ANKRD18B: variants seen among roughly 807,000 people sequenced by gnomAD.
ANKRD18B encodes the protein ankyrin repeat domain 18B.
ANKRD18B carries 75 observed loss-of-function variants against 111.8 expected under a neutral mutation model. The ratio of observed to expected loss-of-function variants is 0.67; its 90% CI spans 0.56 to 0.81. The LOEUF is 0.81. ANKRD18B is among the 40% of genes least tolerant of loss of function. The pLI, the probability that ANKRD18B is intolerant of heterozygous loss-of-function variation, is 0.00. For missense variants in ANKRD18B, 1,038 were observed against 1,225.5 expected (o/e 0.85, Z 2.28); for synonymous variants, 356 against 417.3 (o/e 0.85, Z 1.79).
chr9:33,571,247 TG>T lies in ANKRD18B; in HGVS notation c.3181del (p.Glu1061SerfsTer8), dbSNP rs1828771697. The T allele has an allele frequency of 9.4e-7, 1 of 1,063,890 alleles. No homozygotes were observed. The highest frequency in any genetic ancestry group is 1.7e-5 in the African/African-American group (1 of 58,032). The allele number at this position is 1,063,890 out of a possible 1,614,324, so 65.9% of individuals were successfully genotyped here. ...SNNCKNSLTE[M>X]ELDCAEQIIT... is the part of the protein sequence containing the mutation. ...TATTTTTTTTTTTACTTATTTTAGA[TG>T]GAGCTGGACTGTGCAGAACAAATAA... On this transcript the variant is annotated frameshift_variant and splice_region_variant, in exon 18 of 19. Transcript: ENST00000684830. LOFTEE classifies it low-confidence loss of function (END_TRUNC).
rs1828723612 is a variant in ANKRD18B, at chr9:33,568,742, G to A, written c.3026G>A (p.Ser1009Asn). Reference sequence around the variant, plus strand: ...AAAGAGCGGATGGAATATTTTCTCAGCACTCTTCCTATGAGGCCAGACCCA... The same window carrying A: ...AAAGAGCGGATGGAATATTTTCTCAACACTCTTCCTATGAGGCCAGACCCA... Reference protein sequence around the residue: ...MEKERMEYFLSTLPMRPDPEL... With the variant: ...MEKERMEYFLNTLPMRPDPEL... Residue 1009 changes from serine to asparagine, a missense_variant, in exon 17 of 19, where the codon AGC becomes AAC. Around this residue, in one of 4 missense-constraint regions of ANKRD18B, gnomAD observed 524 missense variants for 677.9 expected, o/e 0.77. Transcript: ENST00000684830. The A allele has an allele frequency of 6.4e-7, 1 of 1,551,366 alleles. No individual in the cohort carries two copies. The highest frequency in any genetic ancestry group is 8.7e-7 in the Non-Finnish European group (1 of 1,146,738).
intron 3 of ANKRD18B, among the ~76,000 whole-genome samples, chr9:33,532,035 C>G (rs1828124475): frequency 6.6e-6 from 1 of 152,030 alleles, no homozygotes; most frequent in African/African-American, 2.4e-5. Context: ...GAGATGGAGA[C>G]CATCCTGGCT....
Position 33,548,674 on chromosome 9 carries a change from G to A in ANKRD18B, c.1886G>A (p.Arg629Gln), listed in dbSNP as rs1359425968. The A allele has an allele frequency of 5.8e-6, 9 of 1,551,164 alleles. No individual in the cohort carries two copies. Among genetic ancestry groups the A allele is most frequent in the South Asian group, 3.6e-5 (3 of 84,022 alleles). ...QRELENLLLE[R>Q]QLEDARKEGD... ...GAACTTGAAAATCTCTTGCTTGAACGACAACTAGAGGATGCTCGTAAGGAA... is the reference window on the plus strand; with the variant it reads ...GAACTTGAAAATCTCTTGCTTGAACAACAACTAGAGGATGCTCGTAAGGAA... Residue 629 changes from arginine (R) to glutamine (Q), a missense_variant, in exon 11 of 19, where the codon CGA becomes CAA. Physicochemically the swap from Arg to Gln is conservative, Grantham distance 43. Coordinates refer to ENST00000684830, the MANE Select transcript of ANKRD18B (RefSeq NM_001393611.1).
chr9:33,543,044 T>C, intron 9 of ANKRD18B, 141 bp from the exon 10 acceptor site: 1 of 856,160 alleles, frequency 1.2e-6, no homozygotes, highest in Non-Finnish European at 1.8e-6. Context: ...TTCTTAAAAA[T>C]GTAAATATTC....
chr9:33,562,550 A>G (rs1828622247), intron 14 of ANKRD18B, among the ~76,000 whole-genome samples: 1 of 152,010 alleles, frequency 6.6e-6, no homozygotes, highest in African/African-American at 2.4e-5. Flanking sequence ...TGCAGCACTT[A>G]AAAATCAGGT....
At chr9:33,563,992 G>A (rs1423976545) in intron 14 of ANKRD18B, among the ~76,000 whole-genome samples, 6 of 152,094 alleles carry the variant, frequency 3.9e-5, no homozygotes, top group Non-Finnish European at 8.8e-5. Flanking sequence ...TGGGCTCTGG[G>A]CAACTGTAGA....
intron 17 of ANKRD18B, among the ~76,000 whole-genome samples, chr9:33,569,916 C>T (rs1028247352): frequency 1.3e-5 from 2 of 152,074 alleles, no homozygotes; most frequent in Non-Finnish European, 2.9e-5. Flanking sequence ...CACCTGTAAT[C>T]CCACATGCAG....
Position 33,558,827 on chromosome 9 carries a change from GC to G in ANKRD18B, c.2460+643del, listed in dbSNP as rs369884114. On this transcript the variant is annotated intron_variant, in intron 14 of 18. Transcript: ENST00000684830. ...ATTCTGAGCCAGTATGGTGACTGTGGCCCTGGATTACCCAATCTCAAGAGCT... is the reference window on the plus strand; with the variant it reads ...ATTCTGAGCCAGTATGGTGACTGTGGCCTGGATTACCCAATCTCAAGAGCT... Among the ~76,000 whole-genome samples the G allele has an allele frequency of 2.6e-3, 399 of 152,172 alleles. 2 individuals carry two copies. The highest frequency in any genetic ancestry group is 9.1e-3 in the African/African-American group (376 of 41,518).
intron 6 of ANKRD18B, among the ~76,000 whole-genome samples, chr9:33,538,909 T>C (rs1237570917): frequency 6.6e-6 from 1 of 152,204 alleles, no homozygotes; most frequent in African/African-American, 2.4e-5. Flanking sequence ...GTTAATTTAG[T>C]ACATAATTAT....
chr9:33,557,992 G>A, intron 13 of ANKRD18B, 66 bp from the exon 14 acceptor site: 1 of 1,381,852 alleles, frequency 7.2e-7, no homozygotes, highest in Non-Finnish European at 9.8e-7. Context: ...CATAGTATCT[G>A]TTTAAACAAT....
intron 16 of ANKRD18B, 125 bp downstream of exon 16, chr9:33,567,439 T>C (rs771471668): frequency 2.5e-4 from 206 of 813,780 alleles, no homozygotes; most frequent in Non-Finnish European, 3.8e-4. Flanking sequence ...TAATGTAATT[T>C]TGGAAAATAA....
intron 3 of ANKRD18B, among the ~76,000 whole-genome samples, chr9:33,532,139 C>T (rs1828126743): frequency 6.6e-6 from 1 of 151,980 alleles, no homozygotes; most frequent in Non-Finnish European, 1.5e-5. Context: ...GAGGCTGAGG[C>T]AGGAGAATGG....
chr9:33,558,778 G>C (rs982035604), intron 14 of ANKRD18B, among the ~76,000 whole-genome samples: 1 of 152,110 alleles, frequency 6.6e-6, no homozygotes, highest in Non-Finnish European at 1.5e-5. Flanking sequence ...CCCAAATTCA[G>C]CCAAAATACA....
chr9:33,542,586 G>T (rs977678689), intron 9 of ANKRD18B, among the ~76,000 whole-genome samples: 1 of 151,920 alleles, frequency 6.6e-6, no homozygotes, highest in Admixed American at 6.6e-5. Context: ...TGGTCTCTGG[G>T]CTGGTCTTAA....
At chr9:33,561,817 C>T (rs571923354) in intron 14 of ANKRD18B, among the ~76,000 whole-genome samples, 2 of 152,244 alleles carry the variant, frequency 1.3e-5, no homozygotes, top group East Asian at 3.9e-4. Context: ...AATCAATTGA[C>T]TGTAAATGTG....
At chr9:33,562,464 A>G (rs1228761773) in intron 14 of ANKRD18B, among the ~76,000 whole-genome samples, 3 of 152,150 alleles carry the variant, frequency 2.0e-5, no homozygotes, top group Admixed American at 2.0e-4. Flanking sequence ...ACAGAGATGC[A>G]CAGCTCTGCT....
downstream of ANKRD18B, among the ~76,000 whole-genome samples, chr9:33,574,042 C>A (rs1828823083): frequency 7.1e-6 from 1 of 141,264 alleles, no homozygotes; most frequent in Non-Finnish European, 1.6e-5. Flanking sequence ...GGCTTGGAGC[C>A]TGGTCAGTGA....
rs1447613160 is a variant in ANKRD18B, at chr9:33,534,469, A to G, written c.702A>G (p.Gln234=). The G allele has an allele frequency of 2.6e-6, 4 of 1,550,410 alleles. No individual in the cohort carries two copies. Among genetic ancestry groups the G allele is most frequent in the Non-Finnish European group, 3.5e-6 (4 of 1,146,694 alleles). The change falls in exon 5 of 19, where the codon CAA becomes CAG. Residue 234 remains glutamine (Q), a synonymous_variant. Coordinates refer to ENST00000684830, the MANE Select transcript of ANKRD18B (RefSeq NM_001393611.1). ...IHISSQDMFG[Q]TAEDYAFCCD... The stretch of plus-strand genomic sequence containing the variant: ...TCTCTTCTCAAGACATGTTTGGCCA[A>G]ACTGCCGAGGATTATGCTTTTTGTT...
At chr9:33,558,009 A>C (rs898336462) in intron 13 of ANKRD18B, 49 bp from the exon 14 acceptor site, 34 of 1,437,032 alleles carry the variant, frequency 2.4e-5, no homozygotes, top group African/African-American at 4.3e-5. Flanking sequence ...CAATTATTAA[A>C]TATTTACTCT....
Sources: gnomAD v4.1 joint callset for allele counts (sites outside exome capture counted in the v4.1 genomes callset) on GRCh38, gnomAD v4.1.1 for gene constraint, gnomAD v4.1.1 regional missense constraint, MANE v1.5 for transcripts, NCBI Gene and HGNC (gene_info 2026-07-23, HGNC 2026-07-21) for gene names.